CHMP3: variants seen among roughly 807,000 people sequenced by gnomAD.
The protein encoded by CHMP3 is charged multivesicular body protein 3.
In CHMP3, 8 loss-of-function variants were observed where a neutral mutation model predicts 27.4. The observed-to-expected ratio is 0.29, with a 90% confidence interval of 0.17 to 0.53. The LOEUF is 0.53. Ranked by LOEUF, CHMP3 falls within the 20% of genes least tolerant of loss-of-function variation. CHMP3 has a pLI of 0.96. For missense variants in CHMP3, 208 were observed against 271.5 expected (o/e 0.77, Z 1.64); for synonymous variants, 86 against 85.5 (o/e 1.01, Z -0.03).
At chr2:86,558,319 C>A (rs1419302977) in intron 1 of CHMP3, among the ~76,000 whole-genome samples, 1 of 152,230 alleles carries the variant, frequency 6.6e-6, no homozygotes, top group Non-Finnish European at 1.5e-5. Flanking sequence ...AGATTCACCA[C>A]TAAAATGTCT....
intron 1 of CHMP3, among the ~76,000 whole-genome samples, chr2:86,555,747 C>T (rs948381318): frequency 3.7e-4 from 56 of 151,946 alleles, no homozygotes; most frequent in African/African-American, 1.2e-3. Context: ...CTCACATTGC[C>T]TTCTCTTCTT....
intron 3 of CHMP3, among the ~76,000 whole-genome samples, chr2:86,514,191 T>C (rs977196687): frequency 2.0e-5 from 3 of 152,180 alleles, no homozygotes; most frequent in African/African-American, 7.2e-5. Flanking sequence ...ATGTACAAGA[T>C]AACCAGCTCG....
intron 1 of CHMP3, among the ~76,000 whole-genome samples, chr2:86,557,320 C>T (rs754101531): frequency 6.6e-6 from 1 of 152,200 alleles, no homozygotes; most frequent in Non-Finnish European, 1.5e-5. Flanking sequence ...TTCTGACTAT[C>T]TATGCTAAAT....
intron 1 of CHMP3, 53 bp from the exon 2 acceptor site, chr2:86,542,365 A>C: frequency 1.3e-6 from 2 of 1,524,734 alleles, no homozygotes; most frequent in Non-Finnish European, 1.8e-6. Flanking sequence ...CTCCTAACTC[A>C]ATCTAATTTA....
At chr2:86,550,131 C>A (rs1213482147) in intron 1 of CHMP3, among the ~76,000 whole-genome samples, 1 of 152,184 alleles carries the variant, frequency 6.6e-6, no homozygotes, top group East Asian at 1.9e-4. Context: ...ATCCCAGCAC[C>A]CCGGGAGGCC....
At chr2:86,506,624 A>G (rs962822303) in intron 5 of CHMP3, among the ~76,000 whole-genome samples, 10 of 146,886 alleles carry the variant, frequency 6.8e-5, no homozygotes, top group African/African-American at 2.3e-4. Context: ...TTTGTTTCGA[A>G]CCTTTTTTTT....
rs551711477 is a variant in CHMP3 at position 86,556,321 on chromosome 2, G to A, written c.45+6983C>T. ...ACATAAAACTAGAAATCAGCCAAAAGCAACAAATACAAGTGACCTTAGATC... is the reference window on the plus strand; with the variant it reads ...ACATAAAACTAGAAATCAGCCAAAAACAACAAATACAAGTGACCTTAGATC... On this transcript the variant is annotated intron_variant, in intron 1 of 5. Transcript: ENST00000263856. 9.2e-5 allele frequency among the ~76,000 whole-genome samples: 14 copies of A among 152,272 alleles called. No homozygotes were observed. The South Asian group carries it at 2.9e-3, about 32-fold the overall frequency.
chr2:86,523,174 C>T (rs1043516162), intron 3 of CHMP3, among the ~76,000 whole-genome samples: 23 of 152,198 alleles, frequency 1.5e-4, no homozygotes, highest in African/African-American at 5.3e-4. Flanking sequence ...CGGTACCCAA[C>T]CTCCCAGACC....
rs1558667009 is a variant in CHMP3, at chr2:86,563,312, T to TG, written c.36dup (p.Lys13GlnfsTer6). 6.2e-7 allele frequency: 1 copy of TG among 1,613,984 alleles called. No homozygotes were observed. Among genetic ancestry groups the TG allele is most frequent in the Non-Finnish European group, 8.5e-7 (1 of 1,179,964 alleles). On this transcript the variant is annotated frameshift_variant, in exon 1 of 6. Coordinates refer to ENST00000263856, the MANE Select transcript of CHMP3 (RefSeq NM_016079.4). LOFTEE classifies it high-confidence loss of function. Reference sequence around the variant, plus strand: ...GCCGCCGTAGCCCTTACCAGTTCTTTGGGCGGCTTCTCCTGGGTCTTTCCA... The same window carrying TG: ...GCCGCCGTAGCCCTTACCAGTTCTTTGGGGCGGCTTCTCCTGGGTCTTTCCA...
chr2:86,507,523 T>G lies in CHMP3; in HGVS notation c.479A>C (p.Glu160Ala), dbSNP rs1358705124. The G allele has an allele frequency of 1.9e-6, 3 of 1,614,064 alleles. No homozygotes were observed. Among genetic ancestry groups the G allele is most frequent in the African/African-American group, 2.7e-5 (2 of 74,932 alleles). Residue 160 changes from glutamate to alanine, a missense_variant, in exon 5 of 6, where the codon GAA becomes GCA. Physicochemically the swap from Glu to Ala is moderately radical, Grantham distance 107 (BLOSUM62 -1). Transcript: ENST00000263856. Reference sequence around the variant, plus strand: ...AATTCTGTCAATTTCCATTTCTGCTTCTTCCTCCATTTCTTCCTGATCGTC... The same window carrying G: ...AATTCTGTCAATTTCCATTTCTGCTGCTTCCTCCATTTCTTCCTGATCGTC... ...SMDDQEEMEE[E>A]AEMEIDRILF...
At chr2:86,533,695 G>C (rs1418022418) in intron 2 of CHMP3, among the ~76,000 whole-genome samples, 1 of 152,126 alleles carries the variant, frequency 6.6e-6, no homozygotes, top group African/African-American at 2.4e-5. Flanking sequence ...GATAGAGACA[G>C]GGTTTCGCCA....
intron 1 of CHMP3, among the ~76,000 whole-genome samples, chr2:86,556,694 A>C (rs1677135704): frequency 6.6e-6 from 1 of 152,196 alleles, no homozygotes; most frequent in Admixed American, 6.5e-5. Flanking sequence ...TTAATTACCC[A>C]CAAGTGTGTT....
At chr2:86,541,894 T>A (rs1676375735) in intron 2 of CHMP3, among the ~76,000 whole-genome samples, 1 of 152,148 alleles carries the variant, frequency 6.6e-6, no homozygotes. Context: ...ACAAAAAAAA[T>A]CAACTTTATT....
intron 1 of CHMP3, among the ~76,000 whole-genome samples, chr2:86,544,340 C>CTTTTTT (rs1158237640): frequency 1.5e-5 from 2 of 129,066 alleles, no homozygotes; most frequent in South Asian, 2.5e-4. Context: ...TTTACATTTT[C>CTTTTTT]TTTTTTTTTT....
chr2:86,517,440 C>T (rs976754870), intron 3 of CHMP3, among the ~76,000 whole-genome samples: 2 of 151,836 alleles, frequency 1.3e-5, no homozygotes, highest in Admixed American at 6.6e-5. Context: ...GTGGCGGGCA[C>T]CTGTAGTCCC....
Position 86,515,940 on chromosome 2 carries a change from G to A in CHMP3, c.287-5461C>T, listed in dbSNP as rs561488150. Among the ~76,000 whole-genome samples, 65 of 151,866 alleles carry A rather than the reference G, an allele frequency of 4.3e-4. 2 individuals carry two copies. The highest frequency in any genetic ancestry group is 3.3e-3 in the South Asian group (16 of 4,812). ...TGTGAGGCTGATGTGGGTGGATCAC[G>A]AGGTCAGGAGATCCAGGCCAACATG... On this transcript the variant is annotated intron_variant, in intron 3 of 5. Transcript: ENST00000263856.
At chr2:86,524,147 C>CA in intron 3 of CHMP3, among the ~76,000 whole-genome samples, 1 of 152,220 alleles carries the variant, frequency 6.6e-6, no homozygotes, top group South Asian at 2.1e-4. Flanking sequence ...ATTAAAGGAA[C>CA]AGTCTGAGAA....
intron 2 of CHMP3, among the ~76,000 whole-genome samples, chr2:86,541,787 T>C (rs775828169): frequency 5.3e-5 from 8 of 152,188 alleles, no homozygotes; most frequent in Non-Finnish European, 1.0e-4. Flanking sequence ...CTGGGATACC[T>C]TTATGATATT....
chr2:86,504,772 A>G lies in CHMP3; in HGVS notation c.*1032T>C, dbSNP rs960186422. On this transcript the variant is annotated 3_prime_UTR_variant, in exon 6 of 6. Coordinates refer to ENST00000263856, the MANE Select transcript of CHMP3 (RefSeq NM_016079.4). ...TTCCTGCCTGATTAGTTCAGTGCAC[A>G]TACAACTTGGACCAGAGGATCTGGG... The G allele has an allele frequency of 6.6e-5, 10 of 152,200 alleles. No homozygotes were observed. Among genetic ancestry groups the G allele is most frequent in the African/African-American group, 2.2e-4 (9 of 41,440 alleles). 9.4% of individuals were successfully genotyped at this position (152,200 alleles called of 1,614,324 possible).
Sources: gnomAD v4.1 joint callset for allele counts (sites outside exome capture counted in the v4.1 genomes callset) on GRCh38, gnomAD v4.1.1 for gene constraint, MANE v1.5 for transcripts, NCBI Gene and HGNC (gene_info 2026-07-23, HGNC 2026-07-21) for gene names.